Variants in SLC24A2 observed in about 807,000 individuals in gnomAD.
The protein encoded by SLC24A2 is solute carrier family 24 member 2.
A neutral mutation model predicts 62.0 loss-of-function variants in SLC24A2; 36 were observed. That is an observed-to-expected ratio of 0.58 (90% CI 0.44 to 0.77). SLC24A2 has a LOEUF of 0.77. Ranked by LOEUF, SLC24A2 falls within the 30% of genes least tolerant of loss-of-function variation. The probability of loss-of-function intolerance (pLI) is 0.00; values close to 1 mark genes in which losing one functional copy is unlikely to be tolerated. For synonymous variants in SLC24A2, 358 were observed against 294.0 expected, an observed-to-expected ratio of 1.22 and a Z score of -2.23; for missense variants, 846 against 817.9, an observed-to-expected ratio of 1.03 and a Z score of -0.42.
At chr9:20,172,143 A>T in the SLC24A2 span, among the ~76,000 whole-genome samples, 1 of 152,044 alleles carries the variant, frequency 6.6e-6, no homozygotes, top group East Asian at 1.9e-4. Flanking sequence ...TCAAAACAGA[A>T]ATTAAAAAAT....
intron 8 of SLC24A2, among the ~76,000 whole-genome samples, chr9:19,541,912 G>C (rs1298499977): frequency 3.3e-5 from 5 of 152,182 alleles, no homozygotes; most frequent in African/African-American, 9.7e-5. Flanking sequence ...CTCCTGGTGC[G>C]CCGTTTTTCA....
the SLC24A2 span, among the ~76,000 whole-genome samples, chr9:20,110,580 G>A: frequency 6.6e-6 from 1 of 151,796 alleles, no homozygotes; most frequent in African/African-American, 2.4e-5. Flanking sequence ...CCAAACTACA[G>A]GAAGGCAAGT....
intron 10 of SLC24A2, among the ~76,000 whole-genome samples, chr9:19,519,431 T>C (rs1833087335): frequency 1.3e-5 from 2 of 152,098 alleles, no homozygotes; most frequent in African/African-American, 4.8e-5. Flanking sequence ...CTTCATAATA[T>C]ACTATAGAGC....
chr9:19,533,808 C>T (rs1047754951), intron 8 of SLC24A2, among the ~76,000 whole-genome samples: 9 of 152,206 alleles, frequency 5.9e-5, no homozygotes, highest in Non-Finnish European at 1.2e-4. Flanking sequence ...CAAAAGATAA[C>T]TGATACAAGG....
At chr9:20,172,790 T>C in the SLC24A2 span, among the ~76,000 whole-genome samples, 17 of 152,148 alleles carry the variant, frequency 1.1e-4, no homozygotes, top group Middle Eastern at 6.8e-3. Flanking sequence ...TTGGTACCAA[T>C]CCTATTGACA....
In SLC24A2 at chr9:19,539,564, G is replaced by T. The variant is rs1834153739; in HGVS notation, c.1479+10573C>A. Among the ~76,000 whole-genome samples the T allele has an allele frequency of 2.7e-5, 3 of 110,972 alleles. No homozygotes were observed. In the South Asian group the frequency reaches 1.2e-3, roughly 43 times the overall value. The allele number at this position is 110,972 out of a possible 152,430, so 72.8% of individuals were successfully genotyped here. ...TTCTAGTTTGATTGCACTGTGGTCT[G>T]GGAGATAGTTTGTTATAATTTCTGT... On this transcript the variant is annotated intron_variant, in intron 8 of 10. Coordinates refer to ENST00000341998, the MANE Select transcript of SLC24A2 (RefSeq NM_020344.4).
At chr9:20,091,747 T>C in the SLC24A2 span, among the ~76,000 whole-genome samples, 1 of 152,034 alleles carries the variant, frequency 6.6e-6, no homozygotes. Flanking sequence ...TACTAGCCAA[T>C]ACAAAAACAC....
In SLC24A2 at chr9:19,513,157, T is replaced by G. The variant is rs1428185208; in HGVS notation, c.*2996A>C. On this transcript the variant is annotated 3_prime_UTR_variant, in exon 11 of 11. Coordinates refer to ENST00000341998, the MANE Select transcript of SLC24A2 (RefSeq NM_020344.4). Reference sequence around the variant, plus strand: ...TACATATAGATCTGGTATAAAGATATATATATATATATATATATGTATATA... The same window carrying G: ...TACATATAGATCTGGTATAAAGATAGATATATATATATATATATGTATATA... The G allele has an allele frequency of 4.8e-5, 3 of 62,388 alleles. No individual in the cohort carries two copies. Among genetic ancestry groups the G allele is most frequent in the Middle Eastern group, 0.01 (1 of 96 alleles). 3.9% of individuals were successfully genotyped at this position (62,388 alleles called of 1,614,324 possible).
At chr9:19,901,507 A>C in the SLC24A2 span, among the ~76,000 whole-genome samples, 2 of 152,168 alleles carry the variant, frequency 1.3e-5, no homozygotes, top group Admixed American at 6.5e-5. Flanking sequence ...GGGTTGGGGC[A>C]GGAGCTTTAT....
In SLC24A2 at chr9:19,514,910, T is replaced by C. The variant is rs894600872; in HGVS notation, c.*1243A>G. ...GCTGATCAGAGTTAAGTTAGTGCTATTGGGAATAATGATTTCTTCAGACAC... is the reference window on the plus strand; with the variant it reads ...GCTGATCAGAGTTAAGTTAGTGCTACTGGGAATAATGATTTCTTCAGACAC... On this transcript the variant is annotated 3_prime_UTR_variant, in exon 11 of 11. Coordinates refer to ENST00000341998, the MANE Select transcript of SLC24A2 (RefSeq NM_020344.4). 1.3e-5 allele frequency: 2 copies of C among 152,162 alleles called. No homozygotes were observed. The highest frequency in any genetic ancestry group is 4.8e-5 in the African/African-American group (2 of 41,434). The allele number at this position is 152,162 out of a possible 1,614,324, so 9.4% of individuals were successfully genotyped here.
the SLC24A2 span, among the ~76,000 whole-genome samples, chr9:20,252,598 G>T: frequency 6.6e-6 from 1 of 152,158 alleles, no homozygotes; most frequent in Admixed American, 6.5e-5. Flanking sequence ...GAAACATTAG[G>T]CAAGGTGGAG....
At chr9:20,004,711 A>G in the SLC24A2 span, among the ~76,000 whole-genome samples, 1 of 152,218 alleles carries the variant, frequency 6.6e-6, no homozygotes, top group East Asian at 1.9e-4. Context: ...GCAATATGAT[A>G]TATCTTGTCT....
At chr9:20,261,764 G>A in the SLC24A2 span, among the ~76,000 whole-genome samples, 1 of 67,778 alleles carries the variant, frequency 1.5e-5, no homozygotes, top group African/African-American at 7.5e-5. Flanking sequence ...TTTTGAGACT[G>A]AGTCTCGCTC....
chr9:20,105,969 A>C, the SLC24A2 span, among the ~76,000 whole-genome samples: 1 of 152,222 alleles, frequency 6.6e-6, no homozygotes, highest in Non-Finnish European at 1.5e-5. Flanking sequence ...ATAAAGAAGA[A>C]AAGAGAGAAG....
intron 2 of SLC24A2, among the ~76,000 whole-genome samples, chr9:19,715,033 C>G (rs908106957): frequency 4.6e-5 from 7 of 151,878 alleles, no homozygotes; most frequent in African/African-American, 1.7e-4. Flanking sequence ...TCAACCTTTC[C>G]CCCTAACTCC....
At chr9:19,528,428 C>T (rs1833536440) in intron 8 of SLC24A2, among the ~76,000 whole-genome samples, 1 of 152,144 alleles carries the variant, frequency 6.6e-6, no homozygotes, top group South Asian at 2.1e-4. Context: ...ATTCCCTCTG[C>T]TCTTGTCCTT....
At chr9:19,552,259 G>C (rs1157351447) in intron 7 of SLC24A2, among the ~76,000 whole-genome samples, 1 of 152,170 alleles carries the variant, frequency 6.6e-6, no homozygotes, top group Non-Finnish European at 1.5e-5. Flanking sequence ...AGCAGGTGTA[G>C]AGAATATCAT....
chr9:19,986,589 A>T, the SLC24A2 span, among the ~76,000 whole-genome samples: 1 of 151,542 alleles, frequency 6.6e-6, no homozygotes, highest in Non-Finnish European at 1.5e-5. Flanking sequence ...ATATATATCC[A>T]ATGTAATATT....
intron 4 of SLC24A2, among the ~76,000 whole-genome samples, chr9:19,615,994 G>GCA (rs3220155): frequency 0.1 from 14,736 of 140,654 alleles, 768 homozygotes; most frequent in African/African-American, 0.12. Context: ...TCACAGGCGT[G>GCA]CACACACACA....
Sources: gnomAD v4.1 joint callset for allele counts (sites outside exome capture counted in the v4.1 genomes callset) on GRCh38, gnomAD v4.1.1 for gene constraint, MANE v1.5 for transcripts, NCBI Gene and HGNC (gene_info 2026-07-23, HGNC 2026-07-21) for gene names.